Variants in AHCY observed in about 807,000 individuals in gnomAD.
The protein encoded by AHCY is S-adenosyl-L-homocysteine hydrolase.
A neutral mutation model predicts 45.4 loss-of-function variants in AHCY; 24 were observed. The observed-to-expected ratio is 0.53, with a 90% CI of 0.38 to 0.74. The LOEUF is 0.74. AHCY is among the 30% of genes least tolerant of loss of function. AHCY has a pLI of 0.00. For synonymous variants in AHCY, 245 were observed against 235.1 expected (o/e 1.04, Z -0.39); for missense variants, 449 against 594.1 (o/e 0.76, Z 2.54).
At chr20:34,247,798 T>C in the AHCY span, among the ~76,000 whole-genome samples, 1 of 152,160 alleles carries the variant, frequency 6.6e-6, no homozygotes, top group Non-Finnish European at 1.5e-5. Context: ...GGTCTTGCCG[T>C]GTTGCCCAGG....
the AHCY span, among the ~76,000 whole-genome samples, chr20:34,271,400 A>C: frequency 1.3e-5 from 2 of 152,166 alleles, no homozygotes; most frequent in Non-Finnish European, 2.9e-5. Flanking sequence ...CGCCGTCTCC[A>C]ACACCATTAT....
downstream of AHCY, among the ~76,000 whole-genome samples, chr20:34,278,720 G>C (rs1057267345): frequency 6.6e-6 from 1 of 152,108 alleles, no homozygotes; most frequent in African/African-American, 2.4e-5. Flanking sequence ...TCAGACAGGG[G>C]AATTCAAGTC....
chr20:34,249,126 C>T, the AHCY span, among the ~76,000 whole-genome samples: 2 of 151,214 alleles, frequency 1.3e-5, no homozygotes, highest in Admixed American at 6.6e-5. Context: ...GAGACCCTGT[C>T]TCGAAAAAAA....
At chr20:34,271,506 CT>C in the AHCY span, among the ~76,000 whole-genome samples, 1 of 151,694 alleles carries the variant, frequency 6.6e-6, no homozygotes, top group African/African-American at 2.4e-5. Context: ...TCATTTCTTC[CT>C]GAAGGGCATA....
intron 5 of AHCY, 121 bp from the exon 6 acceptor site, chr20:34,291,059 G>C: frequency 1.1e-6 from 1 of 943,820 alleles, no homozygotes; most frequent in Non-Finnish European, 1.6e-6. Context: ...TCCCGGCCTG[G>C]GCTGAACCCC....
upstream of AHCY, among the ~76,000 whole-genome samples, chr20:34,306,441 C>T (rs559633165): frequency 6.8e-6 from 1 of 147,810 alleles, no homozygotes; most frequent in South Asian, 2.2e-4. Context: ...GATCTCGGCT[C>T]ACTGCAACCT....
upstream of AHCY, chr20:34,303,475 G>A (rs1434213776): frequency 4.0e-6 from 3 of 749,948 alleles, no homozygotes; most frequent in Non-Finnish European, 6.6e-6. Flanking sequence ...CTGAAAAGAA[G>A]CCTCAGAATT....
Position 34,285,489 on chromosome 20 carries a change from C to A in AHCY, c.1118G>T (p.Trp373Leu). Residue 373 changes from tryptophan to leucine, a missense_variant, in exon 9 of 10, where the codon TGG (tryptophan) becomes TTG (leucine). By Grantham distance (61) the Trp-to-Leu change is moderately conservative (BLOSUM62 -2). Transcript: ENST00000217426. ...AACGGGGTACTTGTCTGGATGGGTC[C>A]ACAGCTCGATCTGCGCCATCACCTG... ...TNQVMAQIELWTHPDKYPVGV... is the reference protein window; with the variant it reads ...TNQVMAQIELLTHPDKYPVGV... 1.2e-6 allele frequency: 2 copies of A among 1,614,090 alleles called. No individual in the cohort carries two copies. Among genetic ancestry groups the A allele is most frequent in the Non-Finnish European group, 1.7e-6 (2 of 1,179,960 alleles).
upstream of AHCY, among the ~76,000 whole-genome samples, chr20:34,304,365 T>C (rs747123363): frequency 6.6e-6 from 1 of 152,236 alleles, no homozygotes; most frequent in Non-Finnish European, 1.5e-5. Flanking sequence ...TCATATAAAA[T>C]GAGGCAGTAT....
chr20:34,307,616 C>T (rs947104292), upstream of AHCY, among the ~76,000 whole-genome samples: 3 of 152,246 alleles, frequency 2.0e-5, no homozygotes, highest in African/African-American at 7.2e-5. Context: ...GGGTGATCCG[C>T]CCGCCCTGGC....
At chr20:34,285,313 T>C (rs2036136022) in intron 9 of AHCY, 127 bp downstream of exon 9, 1 of 1,016,272 alleles carries the variant, frequency 9.8e-7, no homozygotes, top group South Asian at 1.4e-5. Flanking sequence ...TTCTGCACTG[T>C]AGAGGACCCC....
At chr20:34,243,103 C>T in the AHCY span, among the ~76,000 whole-genome samples, 105 of 152,340 alleles carry the variant, frequency 6.9e-4, 1 homozygote, top group Non-Finnish European at 1.1e-3. Context: ...GAAGCCTAGA[C>T]TCTGACCCCT....
At chr20:34,265,438 C>T in the AHCY span, among the ~76,000 whole-genome samples, 7 of 152,096 alleles carry the variant, frequency 4.6e-5, no homozygotes, top group Non-Finnish European at 1.0e-4. Flanking sequence ...GTAGGAGAAT[C>T]GCTTGAGCCT....
intron 9 of AHCY, among the ~76,000 whole-genome samples, 195 bp from the exon 10 acceptor site, chr20:34,281,360 C>A (rs1395061231): frequency 6.6e-6 from 1 of 152,224 alleles, no homozygotes; most frequent in East Asian, 1.9e-4. Context: ...CAAAAGGGAA[C>A]CATGCCACAC....
At chr20:34,261,839 G>A in the AHCY span, among the ~76,000 whole-genome samples, 2,741 of 152,108 alleles carry the variant, frequency 0.018, 94 homozygotes, top group African/African-American at 0.063. Flanking sequence ...TCGGCCAGGC[G>A]CGGTGGCTCA....
intron 1 of AHCY, chr20:34,301,750 C>T (rs1314153011): frequency 1.1e-6 from 1 of 939,310 alleles, no homozygotes; most frequent in Non-Finnish European, 1.3e-6. Flanking sequence ...ATGTGACCTT[C>T]ACATAACCTT....
chr20:34,253,933 G>T, the AHCY span, among the ~76,000 whole-genome samples: 1 of 152,206 alleles, frequency 6.6e-6, no homozygotes, highest in Non-Finnish European at 1.5e-5. Context: ...TTTAAAAGGA[G>T]AACTGTCATC....
chr20:34,304,304 AT>A (rs2036867606), upstream of AHCY, among the ~76,000 whole-genome samples: 1 of 152,162 alleles, frequency 6.6e-6, no homozygotes, highest in African/African-American at 2.4e-5. Context: ...GGAAGGGGAA[AT>A]TGGTTTCAGG....
downstream of AHCY, among the ~76,000 whole-genome samples, chr20:34,276,033 A>C (rs1159855463): frequency 6.6e-6 from 1 of 152,098 alleles, no homozygotes; most frequent in Non-Finnish European, 1.5e-5. Context: ...TCGTGGGGGC[A>C]AAGGAGCAGC....
Sources: gnomAD v4.1 joint callset for allele counts (sites outside exome capture counted in the v4.1 genomes callset) on GRCh38, gnomAD v4.1.1 for gene constraint, MANE v1.5 for transcripts, NCBI Gene and HGNC (gene_info 2026-07-23, HGNC 2026-07-21) for gene names.